Variants in TTC23L observed in about 807,000 individuals in gnomAD.
The protein encoded by TTC23L is tetratricopeptide repeat domain 23 like.
Under a neutral mutation model 48.1 loss-of-function variants are expected in TTC23L, and 42 were observed. The ratio of observed to expected loss-of-function variants is 0.87; its 90% CI spans 0.68 to 1.13. The LOEUF (loss-of-function observed/expected upper bound fraction) is 1.13. Among genes scored for constraint, TTC23L ranks in the 50% most tolerant of loss-of-function variants. The pLI is 0.00. For missense variants in TTC23L, 391 were observed against 421.0 expected (o/e 0.93, Z 0.62); for synonymous variants, 159 against 157.2 (o/e 1.01, Z -0.09).
the TTC23L span, among the ~76,000 whole-genome samples, chr5:34,910,214 C>T: frequency 1.3e-5 from 2 of 152,110 alleles, no homozygotes; most frequent in African/African-American, 4.8e-5. Context: ...TGTTTCCCAT[C>T]CTGGAGATGA....
At chr5:34,867,522 A>G (rs777243865) in intron 7 of TTC23L, 3 of 168,724 alleles carry the variant, frequency 1.8e-5, no homozygotes, top group Non-Finnish European at 3.9e-5. Flanking sequence ...TTAAACTAAC[A>G]AAAGGGTGTT....
the TTC23L span, chr5:34,915,924 C>A: frequency 2.0e-6 from 3 of 1,512,496 alleles, no homozygotes; most frequent in Non-Finnish European, 2.7e-6. Flanking sequence ...CCGGGCTACA[C>A]CTGCGGCGGC....
At chr5:34,845,400 T>C in intron 2 of TTC23L, 87 bp from the exon 3 acceptor site, 1 of 1,343,900 alleles carries the variant, frequency 7.4e-7, no homozygotes, top group Non-Finnish European at 1.0e-6. Context: ...CCCTATCCCC[T>C]AGTTGGGAGA....
At chr5:34,864,517 G>A in exon 6 of TTC23L, 1 of 1,613,862 alleles carries the variant, frequency 6.2e-7, no homozygotes, top group Non-Finnish European at 8.5e-7. Flanking sequence ...GGAGGTGTTT[G>A]TGAATTACAA....
chr5:34,839,231 C>G (rs1309123279), exon 1 of TTC23L: 1 of 152,704 alleles, frequency 6.5e-6, no homozygotes, highest in Non-Finnish European at 1.5e-5. Flanking sequence ...GCAGCTTTCG[C>G]GAGGCACCGC....
At chr5:34,892,575 G>C (rs1296028457) in intron 9 of TTC23L, among the ~76,000 whole-genome samples, 1 of 152,204 alleles carries the variant, frequency 6.6e-6, no homozygotes, top group Non-Finnish European at 1.5e-5. Flanking sequence ...TTAGTCTGTA[G>C]TAAGTCTTTA....
At chr5:34,842,798 C>T (rs573462225) in intron 2 of TTC23L, among the ~76,000 whole-genome samples, 15 of 152,314 alleles carry the variant, frequency 9.8e-5, no homozygotes, top group Admixed American at 8.5e-4. Context: ...CATATCGTCT[C>T]CAGTGGAATG....
chr5:34,898,691 T>C (rs1228395225), intron 10 of TTC23L, among the ~76,000 whole-genome samples: 1 of 152,200 alleles, frequency 6.6e-6, no homozygotes, highest in East Asian at 1.9e-4. Flanking sequence ...AGTCCAGTAA[T>C]AGAGAATGAG....
chr5:34,870,943 G>T (rs1761407120), intron 8 of TTC23L, among the ~76,000 whole-genome samples: 1 of 152,150 alleles, frequency 6.6e-6, no homozygotes, highest in African/African-American at 2.4e-5. Flanking sequence ...ATTCATGATG[G>T]AAGGAACTTC....
chr5:34,877,666 C>T (rs914546563), intron 8 of TTC23L, among the ~76,000 whole-genome samples: 3 of 152,064 alleles, frequency 2.0e-5, no homozygotes, highest in African/African-American at 7.2e-5. Flanking sequence ...TCAGGTGATC[C>T]ACCCACCTCG....
chr5:34,865,007 A>C (rs2150402067), intron 6 of TTC23L, among the ~76,000 whole-genome samples: 1 of 152,368 alleles, frequency 6.6e-6, no homozygotes, highest in African/African-American at 2.4e-5. Flanking sequence ...ATTAACTGGA[A>C]GCTGTGAAAG....
chr5:34,873,419 C>T (rs1761611315), intron 8 of TTC23L, among the ~76,000 whole-genome samples: 1 of 152,110 alleles, frequency 6.6e-6, no homozygotes, highest in Admixed American at 6.5e-5. Context: ...AATCAGTGGC[C>T]CTCCTGCCTG....
chr5:34,920,785 TC>T, the TTC23L span: 12 of 152,160 alleles, frequency 7.9e-5, no homozygotes, highest in African/African-American at 2.4e-4. Context: ...GGCACAAACT[TC>T]CTATTTTTGT....
At position 34,846,638 on chromosome 5, in the gene TTC23L, C is replaced by T. The variant is rs866483393; in HGVS notation, c.255+965C>T. ...ATATACACACACATATACATATATACGTATATATACAAATACATATATGTG... is the reference window on the plus strand; with the variant it reads ...ATATACACACACATATACATATATATGTATATATACAAATACATATATGTG... On this transcript the variant is annotated intron_variant, in intron 3 of 10. Transcript: ENST00000505624. Among the ~76,000 whole-genome samples, 13 of 116,910 alleles carry T rather than the reference C, an allele frequency of 1.1e-4. No individual in the cohort carries two copies. In the South Asian group the frequency reaches 1.2e-3, roughly 10 times the overall value. 76.7% of individuals were successfully genotyped at this position (116,910 alleles called of 152,430 possible).
intron 8 of TTC23L, among the ~76,000 whole-genome samples, chr5:34,878,939 A>G (rs1040580356): frequency 1.3e-5 from 2 of 152,222 alleles, no homozygotes; most frequent in Non-Finnish European, 2.9e-5. Context: ...TAACAGAATC[A>G]GTCTAAGTAT....
At chr5:34,880,495 T>C (rs1227499749) in intron 9 of TTC23L, among the ~76,000 whole-genome samples, 187 bp downstream of exon 9, 1 of 152,166 alleles carries the variant, frequency 6.6e-6, no homozygotes, top group Non-Finnish European at 1.5e-5. Context: ...TTCATTCTTT[T>C]GATGAAACTG....
chr5:34,885,464 T>C (rs1762485631), intron 9 of TTC23L, among the ~76,000 whole-genome samples: 1 of 152,158 alleles, frequency 6.6e-6, no homozygotes, highest in Non-Finnish European at 1.5e-5. Context: ...GTGGTGGCCA[T>C]ATGCGATGGC....
At chr5:34,922,127 G>T in the TTC23L span, 2 of 682,340 alleles carry the variant, frequency 2.9e-6, no homozygotes, top group Non-Finnish European at 2.4e-6. Context: ...AGGTATTTTT[G>T]AGATAATCTG....
At chr5:34,846,125 A>G (rs1001946297) in intron 3 of TTC23L, among the ~76,000 whole-genome samples, 1 of 152,172 alleles carries the variant, frequency 6.6e-6, no homozygotes, top group African/African-American at 2.4e-5. Context: ...TTGAGGCCAC[A>G]GGGAGCCCGT....
Sources: allele counts gnomAD v4.1 joint callset (sites outside exome capture counted in the v4.1 genomes callset), GRCh38; gene constraint gnomAD v4.1.1; transcripts MANE v1.5; gene names NCBI Gene and HGNC (gene_info 2026-07-23, HGNC 2026-07-21).